Variants in ACSM1 observed in about 807,000 individuals in gnomAD.
ACSM1 encodes the protein acyl-coenzyme A synthetase ACSM1, mitochondrial.
Under a neutral mutation model 75.8 loss-of-function variants are expected in ACSM1, and 79 were observed. That is an observed-to-expected ratio of 1.04 (90% CI 0.87 to 1.26). The LOEUF (loss-of-function observed/expected upper bound fraction) is 1.26. Ranked by LOEUF, ACSM1 falls within the 50% of genes most tolerant of loss-of-function variation. The pLI is 0.00. For synonymous variants in ACSM1, 279 were observed against 265.8 expected, an observed-to-expected ratio of 1.05 and a Z score of -0.48; for missense variants, 676 against 720.1, an observed-to-expected ratio of 0.94 and a Z score of 0.70.
chr16:20,672,471 A>AATATATATATATATATAT (rs1392857890), intron 4 of ACSM1, among the ~76,000 whole-genome samples: 3 of 64,562 alleles, frequency 4.6e-5, no homozygotes, highest in East Asian at 1.3e-3. Flanking sequence ...AAAAAAAAAA[A>AATATATATATATATATAT]ATATATATAT....
intron 10 of ACSM1, among the ~76,000 whole-genome samples, chr16:20,630,081 G>T (rs776872583): frequency 6.6e-6 from 1 of 150,814 alleles, no homozygotes; most frequent in Non-Finnish European, 1.5e-5. Context: ...AGAGAGCTTG[G>T]GTTGTGGGTT....
intron 6 of ACSM1, among the ~76,000 whole-genome samples, chr16:20,664,145 T>C (rs1487967680): frequency 1.6e-4 from 3 of 19,262 alleles, no homozygotes; most frequent in Non-Finnish European, 3.5e-4. Context: ...CTAAATTGAA[T>C]AGTATTTATT....
intron 4 of ACSM1, among the ~76,000 whole-genome samples, chr16:20,673,257 A>G (rs1488062306): frequency 1.3e-5 from 2 of 151,850 alleles, no homozygotes; most frequent in African/African-American, 2.4e-5. Context: ...TGGGCCTACT[A>G]CAATTGTAAA....
intron 13 of ACSM1, 82 bp downstream of exon 13, chr16:20,624,014 T>G: frequency 6.4e-7 from 1 of 1,573,204 alleles, no homozygotes; most frequent in African/African-American, 1.3e-5. Flanking sequence ...TTGGGGCTGT[T>G]TGTTACCTCC....
At chr16:20,673,701 A>C (rs986280497) in intron 4 of ACSM1, among the ~76,000 whole-genome samples, 1 of 152,180 alleles carries the variant, frequency 6.6e-6, no homozygotes, top group Non-Finnish European at 1.5e-5. Context: ...CCTATAAGCC[A>C]TAGTTGGCAA....
intron 7 of ACSM1, among the ~76,000 whole-genome samples, chr16:20,656,214 T>G (rs1426636007): frequency 6.6e-6 from 1 of 152,180 alleles, no homozygotes; most frequent in Non-Finnish European, 1.5e-5. Context: ...ATCTCTATAT[T>G]TATATGTGTC....
At position 20,685,520 on chromosome 16, in the gene ACSM1, C is replaced by A. The variant is rs1454000046; in HGVS notation, c.193-117G>T. The A allele has an allele frequency of 1.1e-5, 11 of 983,408 alleles. No homozygotes were observed. In the East Asian group the frequency reaches 2.2e-4, roughly 19 times the overall value. The allele number at this position is 983,408 out of a possible 1,614,324, so 60.9% of individuals were successfully genotyped here. A position where few individuals can be genotyped will look rare whatever the true frequency, so the allele number is the denominator to read the frequency against. On this transcript the variant is annotated intron_variant, in intron 2 of 13. Transcript: ENST00000520010. ...TGAACACAGCTTAAGGACTGAGATC[C>A]CATTTTAAAACATTTATACAGCCAG...
chr16:20,623,289 T>TA lies in ACSM1; in HGVS notation c.*196dup. On this transcript the variant is annotated 3_prime_UTR_variant, in exon 14 of 14. Coordinates refer to ENST00000520010, the MANE Select transcript of ACSM1 (RefSeq NM_001318890.3). ...TTATGAGTGCTCACCTGGGAAATTC[T>TA]AAAGATACAGAGGACTTGGAGGAAG... 1.8e-6 allele frequency: 1 copy of TA among 562,722 alleles called. No individual in the cohort carries two copies. The highest frequency in any genetic ancestry group is 1.9e-5 in the African/African-American group (1 of 52,976). 34.9% of individuals were successfully genotyped at this position (562,722 alleles called of 1,614,324 possible). A position where few individuals can be genotyped will look rare whatever the true frequency, so the allele number is the denominator to read the frequency against.
At chr16:20,650,903 T>G (rs2018610421) in intron 7 of ACSM1, among the ~76,000 whole-genome samples, 1 of 152,192 alleles carries the variant, frequency 6.6e-6, no homozygotes, top group African/African-American at 2.4e-5. Context: ...GCTTTAAAGC[T>G]GCTGTTACTT....
At chr16:20,675,304 C>T (rs545043746) in intron 4 of ACSM1, among the ~76,000 whole-genome samples, 3 of 152,184 alleles carry the variant, frequency 2.0e-5, no homozygotes, top group African/African-American at 4.8e-5. Context: ...GAGGCCAATG[C>T]GGGGAGTAAT....
chr16:20,628,013 G>A (rs1165953918), intron 10 of ACSM1, among the ~76,000 whole-genome samples: 1 of 149,868 alleles, frequency 6.7e-6, no homozygotes, highest in Non-Finnish European at 1.5e-5. Flanking sequence ...CATAGAGCCT[G>A]GACAGATGAG....
At chr16:20,634,614 T>C (rs338306) in intron 10 of ACSM1, among the ~76,000 whole-genome samples, 2,702 of 152,292 alleles carry the variant, frequency 0.018, 68 homozygotes, top group African/African-American at 0.061. Context: ...ATGTTGTATA[T>C]TTTCACTTAT....
At chr16:20,660,037 C>A (rs192229662) in intron 7 of ACSM1, among the ~76,000 whole-genome samples, 1 of 152,316 alleles carries the variant, frequency 6.6e-6, no homozygotes, top group African/African-American at 2.4e-5. Flanking sequence ...TGCATCCTGA[C>A]CACCTTGGGC....
chr16:20,639,065 T>C (rs1001616231), intron 8 of ACSM1, among the ~76,000 whole-genome samples: 8 of 152,220 alleles, frequency 5.3e-5, no homozygotes, highest in African/African-American at 9.6e-5. Flanking sequence ...AAGTAATAAT[T>C]TTGCACAGGG....
chr16:20,676,487 T>C (rs1027506658), intron 4 of ACSM1, among the ~76,000 whole-genome samples: 6 of 152,200 alleles, frequency 3.9e-5, no homozygotes, highest in African/African-American at 1.4e-4. Flanking sequence ...ACACAGCATT[T>C]GTAAGGCAGG....
At chr16:20,690,825 G>T (rs1318879572) in intron 2 of ACSM1, among the ~76,000 whole-genome samples, 172 bp downstream of exon 2, 2 of 152,196 alleles carry the variant, frequency 1.3e-5, no homozygotes, top group East Asian at 3.9e-4. Flanking sequence ...GCTCAATGAA[G>T]TAAGGAAATG....
chr16:20,661,932 A>G, intron 6 of ACSM1, 59 bp from the exon 7 acceptor site: 1 of 1,162,180 alleles, frequency 8.6e-7, no homozygotes, highest in Non-Finnish European at 1.3e-6. Flanking sequence ...CTAACAGCCA[A>G]TTATTAGCAG....
intron 7 of ACSM1, among the ~76,000 whole-genome samples, chr16:20,654,898 G>T (rs577706730): frequency 8.3e-4 from 126 of 152,196 alleles, no homozygotes; most frequent in African/African-American, 2.8e-3. Flanking sequence ...CCATTACTGG[G>T]TATATACCCA....
At chr16:20,643,318 G>A (rs2152222455) in intron 7 of ACSM1, among the ~76,000 whole-genome samples, 1 of 152,310 alleles carries the variant, frequency 6.6e-6, no homozygotes, top group East Asian at 1.9e-4. Flanking sequence ...AAGTGAAATG[G>A]GTCCGATGGT....
Sources: allele counts gnomAD v4.1 joint callset (sites outside exome capture counted in the v4.1 genomes callset), GRCh38; gene constraint gnomAD v4.1.1; transcripts MANE v1.5; gene names NCBI Gene and HGNC (gene_info 2026-07-23, HGNC 2026-07-21).